The following CCDC15 variants were observed in gnomAD, a reference collection of about 807,000 sequenced individuals.
The protein encoded by CCDC15 is coiled-coil domain-containing protein 15.
CCDC15 carries 105 observed loss-of-function variants against 114.5 expected under a neutral mutation model. The observed-to-expected ratio is 0.92, with a 90% CI of 0.78 to 1.08. The LOEUF (loss-of-function observed/expected upper bound fraction) is 1.08, where lower values mean the gene tolerates loss of function less well. Among genes scored for constraint, CCDC15 ranks in the 50% least tolerant of loss-of-function variants. CCDC15 has a pLI of 0.00. For synonymous variants in CCDC15, 334 were observed against 377.8 expected (o/e 0.88, Z 1.34); for missense variants, 1,105 against 1,093.6 (o/e 1.01, Z -0.15).
chr11:124,974,208 T>C (rs1408285976), intron 4 of CCDC15, among the ~76,000 whole-genome samples: 1 of 152,176 alleles, frequency 6.6e-6, no homozygotes, highest in Non-Finnish European at 1.5e-5. Context: ...CTCGAACTCC[T>C]GACCTCAGGT....
chr11:125,016,690 A>G (rs915272835), intron 13 of CCDC15, among the ~76,000 whole-genome samples: 13 of 152,236 alleles, frequency 8.5e-5, no homozygotes, highest in African/African-American at 2.7e-4. Flanking sequence ...GGTAAAAGTC[A>G]AAATGAGAAT....
chr11:124,980,360 A>G (rs1293014903), intron 6 of CCDC15, among the ~76,000 whole-genome samples: 1 of 152,238 alleles, frequency 6.6e-6, no homozygotes, highest in South Asian at 2.1e-4. Context: ...GTTCTTCTTT[A>G]TAACATCTGG....
chr11:124,979,675 A>T lies in CCDC15; in HGVS notation c.753+2075A>T, dbSNP rs192347448. Reference sequence around the variant, plus strand: ...GATCATGGAGCTTTGGGCAGAGACTATGGGGATTTCTAGGTATAGAATCAT... The same window carrying T: ...GATCATGGAGCTTTGGGCAGAGACTTTGGGGATTTCTAGGTATAGAATCAT... On this transcript the variant is annotated intron_variant, in intron 6 of 15. Transcript: ENST00000344762. Among the ~76,000 whole-genome samples, 194 of 152,256 alleles carry T rather than the reference A, an allele frequency of 1.3e-3. 2 individuals are homozygous for T. The highest frequency in any genetic ancestry group is 1.7e-3 in the East Asian group (9 of 5,184).
chr11:125,012,756 T>C (rs909161899), intron 13 of CCDC15, among the ~76,000 whole-genome samples: 2 of 152,204 alleles, frequency 1.3e-5, no homozygotes, highest in African/African-American at 4.8e-5. Context: ...GGCTTTCATA[T>C]ATTATCTAGT....
chr11:124,971,119 C>G (rs1027901659), intron 4 of CCDC15, among the ~76,000 whole-genome samples: 2 of 152,226 alleles, frequency 1.3e-5, no homozygotes, highest in Admixed American at 6.5e-5. Flanking sequence ...TTAGAAGGCA[C>G]TGTGATTGGT....
At chr11:124,986,328 A>G (rs1226581449) in intron 6 of CCDC15, among the ~76,000 whole-genome samples, 4 of 152,184 alleles carry the variant, frequency 2.6e-5, no homozygotes, top group South Asian at 2.1e-4. Flanking sequence ...TTTTGCTACT[A>G]TGGGTTCCTT....
intron 2 of CCDC15, among the ~76,000 whole-genome samples, chr11:124,955,720 A>C (rs921767856): frequency 3.3e-5 from 5 of 152,232 alleles, no homozygotes; most frequent in African/African-American, 1.2e-4. Context: ...AGTGTACTTG[A>C]TCTCAGAAGA....
chr11:125,034,727 G>T (rs533450838), intron 13 of CCDC15, among the ~76,000 whole-genome samples: 31 of 152,196 alleles, frequency 2.0e-4, no homozygotes, highest in African/African-American at 6.7e-4. Flanking sequence ...GTTCGTGCCA[G>T]GGACCATAGT....
chr11:125,027,868 G>T (rs747526973), intron 13 of CCDC15, among the ~76,000 whole-genome samples: 2 of 151,722 alleles, frequency 1.3e-5, no homozygotes, highest in Non-Finnish European at 2.9e-5. Flanking sequence ...ATAGTTTCAC[G>T]TCTTAGGTTT....
intron 12 of CCDC15, 48 bp from the exon 13 acceptor site, chr11:125,005,061 A>C (rs914161985): frequency 4.4e-5 from 36 of 823,606 alleles, no homozygotes; most frequent in Non-Finnish European, 6.2e-5. Flanking sequence ...CTTCCTTGGA[A>C]ATTCCTCTGA....
intron 6 of CCDC15, among the ~76,000 whole-genome samples, chr11:124,985,213 T>C (rs1948136741): frequency 6.6e-6 from 1 of 151,128 alleles, no homozygotes; most frequent in Non-Finnish European, 1.5e-5. Flanking sequence ...AATAATTTAT[T>C]GTATAGATGT....
intron 2 of CCDC15, among the ~76,000 whole-genome samples, chr11:124,958,067 A>AATACC (rs1268427076): frequency 6.6e-6 from 1 of 152,224 alleles, no homozygotes; most frequent in Non-Finnish European, 1.5e-5. Flanking sequence ...AAGGGATAAG[A>AATACC]ATACCTACTG....
chr11:125,033,716 TAAA>T (rs58655792), intron 13 of CCDC15, among the ~76,000 whole-genome samples: 61,981 of 151,586 alleles, frequency 0.41, 13,860 homozygotes, highest in African/African-American at 0.6. Flanking sequence ...GGCCATCTTT[TAAA>T]AAGCTATATT....
chr11:124,968,773 A>C (rs1170637073), intron 4 of CCDC15, among the ~76,000 whole-genome samples: 1 of 152,098 alleles, frequency 6.6e-6, no homozygotes, highest in Non-Finnish European at 1.5e-5. Flanking sequence ...AGCTGTTCCT[A>C]TTCAGCCATC....
Position 125,038,432 on chromosome 11 carries a change from A to G in CCDC15, c.2413A>G (p.Ile805Val). The G allele has an allele frequency of 6.9e-7, 1 of 1,459,044 alleles. No homozygotes were observed. The highest frequency in any genetic ancestry group is 9.1e-7 in the Non-Finnish European group (1 of 1,103,612). The allele number at this position is 1,459,044 out of a possible 1,614,324, so 90.4% of individuals were successfully genotyped here. A position where few individuals can be genotyped will look rare whatever the true frequency, so the allele number is the denominator to read the frequency against. Residue 805 changes from isoleucine (I) to valine (V), a missense_variant and splice_region_variant, in exon 14 of 16, where the codon ATT (isoleucine) becomes GTT (valine). Transcript: ENST00000344762. ...QKEQKKKIEK[I>V]KKKREQECYA... ...ACCATGTTATGATTTTATTTTCAGA[A>G]TTAAGAAAAAGAGAGAGCAAGAATG...
intron 13 of CCDC15, among the ~76,000 whole-genome samples, chr11:125,030,566 C>T (rs1279698310): frequency 2.6e-5 from 4 of 152,168 alleles, no homozygotes; most frequent in African/African-American, 9.7e-5. Flanking sequence ...GAGGACAAAC[C>T]TCTGCCCTTT....
At chr11:124,998,626 C>T (rs1948416342) in intron 11 of CCDC15, among the ~76,000 whole-genome samples, 1 of 152,022 alleles carries the variant, frequency 6.6e-6, no homozygotes, top group South Asian at 2.1e-4. Flanking sequence ...TCCCCTTTCT[C>T]CTTTATGTTA....
At chr11:125,018,825 T>C (rs1948644712) in intron 13 of CCDC15, among the ~76,000 whole-genome samples, 1 of 151,898 alleles carries the variant, frequency 6.6e-6, no homozygotes, top group East Asian at 1.9e-4. Flanking sequence ...GTTGGGGATA[T>C]GGGGTGGCAG....
chr11:125,024,451 A>G (rs1218183915), intron 13 of CCDC15, among the ~76,000 whole-genome samples: 1 of 152,128 alleles, frequency 6.6e-6, no homozygotes, highest in Non-Finnish European at 1.5e-5. Flanking sequence ...CTGCTGACCC[A>G]TTAACATTTA....
Sources: allele counts gnomAD v4.1 joint callset (sites outside exome capture counted in the v4.1 genomes callset), GRCh38; gene constraint gnomAD v4.1.1; transcripts MANE v1.5; gene names NCBI Gene and HGNC (gene_info 2026-07-23, HGNC 2026-07-21).